PRSS12: variants seen among roughly 807,000 people sequenced by gnomAD.
PRSS12 encodes serine protease 12.
In PRSS12, 85 loss-of-function variants were observed where a neutral mutation model predicts 104.4. That is an observed-to-expected ratio of 0.81 (90% CI 0.68 to 0.98). The LOEUF (loss-of-function observed/expected upper bound fraction) is 0.98. Among genes scored for constraint, PRSS12 ranks in the 50% least tolerant of loss-of-function variants. The probability of loss-of-function intolerance (pLI) is 0.00; values close to 1 mark genes in which losing one functional copy is unlikely to be tolerated. For synonymous variants in PRSS12, 454 were observed against 425.2 expected, an observed-to-expected ratio of 1.07 and a Z score of -0.83; for missense variants, 1,141 against 1,139.2, an observed-to-expected ratio of 1.00 and a Z score of -0.02.
chr4:118,312,741 T>C (rs1743778005), intron 7 of PRSS12, among the ~76,000 whole-genome samples: 2 of 151,394 alleles, frequency 1.3e-5, no homozygotes, highest in Non-Finnish European at 3.0e-5. Context: ...AAAAGAGCAA[T>C]GGATGGTTGG....
At position 118,352,774 on chromosome 4, in the gene PRSS12, CGGA is replaced by C. The variant is rs1724558562; in HGVS notation, c.-57_-55del. 6.3e-7 allele frequency: 1 copy of C among 1,583,772 alleles called. No homozygotes were observed. Among genetic ancestry groups the C allele is most frequent in the East Asian group, 2.3e-5 (1 of 43,130 alleles). ...GCTCCCCAGCTTCTCGGGCTTGGAGCGGAGAAGAGGAGGGGGCGGGGGCGGGGC... is the reference window on the plus strand; with the variant it reads ...GCTCCCCAGCTTCTCGGGCTTGGAGCGAAGAGGAGGGGGCGGGGGCGGGGC... On this transcript the variant is annotated 5_prime_UTR_variant, in exon 1 of 13. Transcript: ENST00000296498.
intron 4 of PRSS12, among the ~76,000 whole-genome samples, chr4:118,320,509 T>C (rs1042899717): frequency 4.6e-5 from 7 of 152,188 alleles, no homozygotes; most frequent in African/African-American, 1.7e-4. Flanking sequence ...CCCAGCACTT[T>C]GGGAAGCCAA....
chr4:118,331,116 C>CA (rs1723906171), intron 4 of PRSS12, among the ~76,000 whole-genome samples: 1 of 152,150 alleles, frequency 6.6e-6, no homozygotes, highest in South Asian at 2.1e-4. Flanking sequence ...GCTTGTTATA[C>CA]CAATGTTCAG....
intron 10 of PRSS12, 73 bp from the exon 11 acceptor site, chr4:118,295,134 A>T: frequency 6.5e-7 from 1 of 1,535,278 alleles, no homozygotes. Flanking sequence ...GGTTAAAGCA[A>T]TGGCTTTAAT....
chr4:118,283,799 A>G (rs1742951582), intron 11 of PRSS12, among the ~76,000 whole-genome samples: 1 of 152,148 alleles, frequency 6.6e-6, no homozygotes, highest in South Asian at 2.1e-4. Flanking sequence ...CTTTGTAACA[A>G]AACTATCTAA....
At chr4:118,283,518 AAGTACTT>A in intron 11 of PRSS12, among the ~76,000 whole-genome samples, 1 of 152,348 alleles carries the variant, frequency 6.6e-6, no homozygotes, top group Middle Eastern at 3.4e-3. Context: ...GTGTCCCTCA[AAGTACTT>A]AGTACAATCG....
chr4:118,338,011 A>G (rs189311625), intron 2 of PRSS12, among the ~76,000 whole-genome samples, 165 bp downstream of exon 2: 2 of 152,288 alleles, frequency 1.3e-5, no homozygotes, highest in East Asian at 1.9e-4. Flanking sequence ...GAGAGAATTC[A>G]TTTCTTCCAT....
chr4:118,331,894 A>C (rs1215210410), intron 3 of PRSS12, 28 bp from the exon 4 acceptor site: 3 of 1,613,032 alleles, frequency 1.9e-6, no homozygotes, highest in African/African-American at 1.3e-5. Flanking sequence ...AAAAATAAGC[A>C]AAACCTATGC....
intron 1 of PRSS12, among the ~76,000 whole-genome samples, chr4:118,342,710 AAG>A (rs1724248348): frequency 6.6e-6 from 1 of 152,200 alleles, no homozygotes; most frequent in South Asian, 2.1e-4. Flanking sequence ...AAAAAAGAAA[AAG>A]GTCAACTGTC....
intron 4 of PRSS12, among the ~76,000 whole-genome samples, chr4:118,329,455 T>A (rs1723863587): frequency 6.6e-6 from 1 of 152,170 alleles, no homozygotes; most frequent in South Asian, 2.1e-4. Flanking sequence ...GTAACTCACA[T>A]GAAAATCAAT....
rs987717096 is a variant in PRSS12 at position 118,352,873 on chromosome 4, G to T, written c.-153C>A. On this transcript the variant is annotated 5_prime_UTR_variant, in exon 1 of 13. Transcript: ENST00000296498. ...GGACCGCCCTCGCCTCCCCAACCTT[G>T]CCTCCCGCCGCTGGTGCCCTGCCGC... The T allele has an allele frequency of 4.2e-6, 6 of 1,424,064 alleles. No homozygotes were observed. In the African/African-American group the frequency reaches 8.9e-5, roughly 21 times the overall value. 88.2% of individuals were successfully genotyped at this position (1,424,064 alleles called of 1,614,324 possible).
rs139428873 is a variant in PRSS12 at position 118,300,253 on chromosome 4, T to C, written c.1632-1315A>G. 1.4e-4 allele frequency among the ~76,000 whole-genome samples: 22 copies of C among 152,172 alleles called. No homozygotes were observed. The East Asian group carries it at 4.3e-3, about 30-fold the overall frequency. ...ATCTCCAACTCCTGACCTCAAGCGATCCACCCACCTTAGCCTCTCAAAGTG... is the reference window on the plus strand; with the variant it reads ...ATCTCCAACTCCTGACCTCAAGCGACCCACCCACCTTAGCCTCTCAAAGTG... On this transcript the variant is annotated intron_variant, in intron 8 of 12. Coordinates refer to ENST00000296498, the MANE Select transcript of PRSS12 (RefSeq NM_003619.4).
chr4:118,299,274 A>G (rs764792270), intron 8 of PRSS12, among the ~76,000 whole-genome samples: 12 of 152,232 alleles, frequency 7.9e-5, no homozygotes, highest in Admixed American at 3.9e-4. Flanking sequence ...ACCCTCTTAA[A>G]GAGTACAATA....
At chr4:118,299,548 C>T (rs11726334) in intron 8 of PRSS12, among the ~76,000 whole-genome samples, 4,405 of 151,694 alleles carry the variant, frequency 0.029, 110 homozygotes, top group Non-Finnish European at 0.046. Context: ...GGCATGGTGG[C>T]ACGTGCTTGT....
chr4:118,289,752 A>G (rs980167765), intron 11 of PRSS12, among the ~76,000 whole-genome samples: 3 of 152,230 alleles, frequency 2.0e-5, no homozygotes, highest in African/African-American at 7.2e-5. Flanking sequence ...CAGGAAGTCT[A>G]TGAAATCCGG....
At chr4:118,295,741 C>T in intron 10 of PRSS12, 37 bp downstream of exon 10, 1 of 1,550,860 alleles carries the variant, frequency 6.4e-7, no homozygotes, top group Non-Finnish European at 8.9e-7. Context: ...ATAAATAATT[C>T]TGTAATATAA....
At chr4:118,343,821 C>A (rs768452748) in intron 1 of PRSS12, among the ~76,000 whole-genome samples, 1 of 152,110 alleles carries the variant, frequency 6.6e-6, no homozygotes, top group Non-Finnish European at 1.5e-5. Flanking sequence ...AAATAGCATT[C>A]CTTAATTTAA....
intron 4 of PRSS12, among the ~76,000 whole-genome samples, chr4:118,329,621 G>T (rs1315897697): frequency 6.6e-6 from 1 of 152,110 alleles, no homozygotes; most frequent in East Asian, 1.9e-4. Context: ...CCAAATGCTG[G>T]TTACTTTGAA....
At chr4:118,309,371 T>C (rs1238854083) in intron 7 of PRSS12, among the ~76,000 whole-genome samples, 1 of 152,168 alleles carries the variant, frequency 6.6e-6, no homozygotes, top group Non-Finnish European at 1.5e-5. Context: ...ATCAAATACG[T>C]TGGTATTCCC....
Sources: gnomAD v4.1 joint callset for allele counts (sites outside exome capture counted in the v4.1 genomes callset) on GRCh38, gnomAD v4.1.1 for gene constraint, MANE v1.5 for transcripts, NCBI Gene and HGNC (gene_info 2026-07-23, HGNC 2026-07-21) for gene names.